The following COG5 variants were observed in gnomAD, a reference collection of about 807,000 sequenced individuals.
COG5 encodes component of oligomeric golgi complex 5.
A neutral mutation model predicts 110.4 loss-of-function variants in COG5; 86 were observed. The ratio of observed to expected loss-of-function variants is 0.78; its 90% confidence interval spans 0.65 to 0.93. The LOEUF (loss-of-function observed/expected upper bound fraction) is 0.93, where lower values mean the gene tolerates loss of function less well. Among genes scored for constraint, COG5 ranks in the 40% least tolerant of loss-of-function variants. The pLI is 0.00. For missense variants in COG5, 1,077 were observed against 987.0 expected (o/e 1.09, Z -1.22); for synonymous variants, 360 against 334.6 (o/e 1.08, Z -0.83).
intron 19 of COG5, among the ~76,000 whole-genome samples, chr7:107,222,425 C>A (rs1370559237): frequency 3.3e-5 from 5 of 152,160 alleles, no homozygotes; most frequent in African/African-American, 1.2e-4. Context: ...AGGCTGGTCT[C>A]AAACTCCTAA....
chr7:107,213,490 C>T (rs1799315811), intron 19 of COG5, among the ~76,000 whole-genome samples: 1 of 152,230 alleles, frequency 6.6e-6, no homozygotes, highest in Non-Finnish European at 1.5e-5. Context: ...ACCTACCCAA[C>T]TGCATAACCC....
chr7:107,466,069 A>T (rs955786006), intron 6 of COG5, among the ~76,000 whole-genome samples: 8 of 152,180 alleles, frequency 5.3e-5, no homozygotes, highest in Admixed American at 2.6e-4. Context: ...AAGCAAGAGA[A>T]AAGAGAAATC....
At chr7:107,207,712 G>T in intron 21 of COG5, 2 of 950,058 alleles carry the variant, frequency 2.1e-6, no homozygotes, top group Non-Finnish European at 2.5e-6. Context: ...GATGCAGGCT[G>T]AACACATACA....
At chr7:107,256,136 T>A (rs1174652718) in intron 16 of COG5, among the ~76,000 whole-genome samples, 2 of 152,092 alleles carry the variant, frequency 1.3e-5, no homozygotes, top group African/African-American at 4.8e-5. Context: ...ATTTCCTAAA[T>A]AATAGAAAGG....
chr7:107,499,802 G>C (rs1798522430), intron 6 of COG5, among the ~76,000 whole-genome samples: 1 of 152,248 alleles, frequency 6.6e-6, no homozygotes, highest in East Asian at 1.9e-4. Context: ...CAATTTCAAA[G>C]TTTAGAAGTA....
At position 107,379,687 on chromosome 7, in the gene COG5, G is replaced by A. The variant is rs184263753; in HGVS notation, c.670-6927C>T. Among the ~76,000 whole-genome samples, 10 of 151,656 alleles carry A rather than the reference G, an allele frequency of 6.6e-5. No homozygotes were observed. The East Asian group carries it at 1.2e-3, about 18-fold the overall frequency. ...CAAAGATAAAAAAAGACAAAGAAGCGCATTACATAATGGTAAAGGGATTAA... is the reference window on the plus strand; with the variant it reads ...CAAAGATAAAAAAAGACAAAGAAGCACATTACATAATGGTAAAGGGATTAA... On this transcript the variant is annotated intron_variant, in intron 7 of 21. Transcript: ENST00000297135.
chr7:107,242,051 G>T (rs947252014), intron 17 of COG5, among the ~76,000 whole-genome samples: 1 of 152,180 alleles, frequency 6.6e-6, no homozygotes, highest in African/African-American at 2.4e-5. Context: ...CAAAGTGCTG[G>T]AATTACAGGC....
At chr7:107,560,045 A>G (rs760763274) in intron 1 of COG5, among the ~76,000 whole-genome samples, 26 of 152,236 alleles carry the variant, frequency 1.7e-4, no homozygotes, top group Non-Finnish European at 2.9e-4. Context: ...AGCTGTATAG[A>G]GGATGATGGA....
chr7:107,552,609 T>C (rs988979148), intron 3 of COG5, among the ~76,000 whole-genome samples: 6 of 152,154 alleles, frequency 3.9e-5, no homozygotes, highest in Admixed American at 1.3e-4. Context: ...ATGACTATTA[T>C]TAAAAAGTCA....
At chr7:107,204,093 A>G (rs541944742) in intron 21 of COG5, among the ~76,000 whole-genome samples, 59 of 152,320 alleles carry the variant, frequency 3.9e-4, no homozygotes, top group Non-Finnish European at 3.1e-4. Flanking sequence ...TATTCCTGTT[A>G]TTTGATGAAC....
chr7:107,382,499 G>T (rs1815209544), intron 7 of COG5, among the ~76,000 whole-genome samples: 2 of 152,042 alleles, frequency 1.3e-5, no homozygotes, highest in African/African-American at 4.8e-5. Flanking sequence ...GCAATGGCAC[G>T]ATCTCAACTC....
chr7:107,539,205 GAC>G (rs1413960210), intron 5 of COG5, among the ~76,000 whole-genome samples: 1 of 152,132 alleles, frequency 6.6e-6, no homozygotes, highest in Admixed American at 6.6e-5. Flanking sequence ...CAGCCTGGAT[GAC>G]AGAGCAAGAC....
At chr7:107,466,377 T>C (rs1233315220) in intron 6 of COG5, among the ~76,000 whole-genome samples, 1 of 152,114 alleles carries the variant, frequency 6.6e-6, no homozygotes, top group Non-Finnish European at 1.5e-5. Flanking sequence ...ATAATGTATG[T>C]GATACTGGCA....
chr7:107,506,666 T>C (rs1799035195), intron 6 of COG5, among the ~76,000 whole-genome samples: 1 of 152,140 alleles, frequency 6.6e-6, no homozygotes, highest in South Asian at 2.1e-4. Flanking sequence ...AGCATCCAGC[T>C]AAGTTCTAGA....
intron 6 of COG5, among the ~76,000 whole-genome samples, chr7:107,485,886 G>A (rs62482548): frequency 0.026 from 3,929 of 152,186 alleles, 75 homozygotes; most frequent in South Asian, 0.074. Flanking sequence ...CATGTACCTG[G>A]AAAAGCTGTA....
chr7:107,423,368 A>T (rs1181990578), intron 6 of COG5, among the ~76,000 whole-genome samples: 1 of 152,204 alleles, frequency 6.6e-6, no homozygotes, highest in Non-Finnish European at 1.5e-5. Context: ...ACTATGAATA[A>T]CTGAACAACT....
intron 6 of COG5, among the ~76,000 whole-genome samples, chr7:107,524,641 T>C (rs942053907): frequency 6.6e-6 from 1 of 152,208 alleles, no homozygotes; most frequent in African/African-American, 2.4e-5. Context: ...CTCCTTATTA[T>C]AAATGCCAGG....
intron 8 of COG5, among the ~76,000 whole-genome samples, chr7:107,371,103 A>G (rs1469358279): frequency 6.6e-6 from 1 of 152,170 alleles, no homozygotes; most frequent in Admixed American, 6.5e-5. Flanking sequence ...AAAAGCCAAG[A>G]GTAAAATCTC....
chr7:107,409,553 A>G (rs17154067), intron 7 of COG5, among the ~76,000 whole-genome samples: 2,263 of 152,344 alleles, frequency 0.015, 56 homozygotes, highest in African/African-American at 0.053. Flanking sequence ...ATAGTTACAT[A>G]ATAAGATATA....
Sources: allele counts gnomAD v4.1 joint callset (sites outside exome capture counted in the v4.1 genomes callset), GRCh38; gene constraint gnomAD v4.1.1; transcripts MANE v1.5; gene names NCBI Gene and HGNC (gene_info 2026-07-23, HGNC 2026-07-21).